The following LRG1 variants were observed in gnomAD, a reference collection of about 807,000 sequenced individuals.
The protein encoded by LRG1 is leucine rich alpha-2-glycoprotein 1.
LRG1 carries 1 observed loss-of-function variant against 2.4 expected under a neutral mutation model. The ratio of observed to expected loss-of-function variants is 0.41; its 90% CI spans 0.15 to 1.95. The LOEUF is 1.95. Among genes scored for constraint, LRG1 ranks in the 30% most tolerant of loss-of-function variants. The pLI is 0.30. For missense variants in LRG1, 425 were observed against 436.9 expected, an observed-to-expected ratio of 0.97 and a Z score of 0.24; for synonymous variants, 226 against 210.6, an observed-to-expected ratio of 1.07 and a Z score of -0.63.
chr19:4,538,161 C>T lies in LRG1; in HGVS notation c.823G>A (p.Val275Met), dbSNP rs373305310. 9.7e-5 allele frequency: 157 copies of T among 1,613,888 alleles called. No homozygotes were observed. Among genetic ancestry groups the T allele is most frequent in the Middle Eastern group, 1.6e-4 (1 of 6,078 alleles). The change falls in exon 2 of 2, where the codon GTG becomes ATG. Residue 275 changes from valine (V) to methionine (M), a missense_variant. By Grantham distance (21) the Val-to-Met change is conservative (BLOSUM62 1). Coordinates refer to ENST00000306390, the MANE Select transcript of LRG1 (RefSeq NM_052972.3). ...AGGGATGCCCAGAGCCCCTCGGGCA[C>T]GCTGGCCAGTGAGTTATTGGAGAGG... ...LDLSNNSLAS[V>M]PEGLWASLGQ...
rs67831446 is a variant in LRG1, at chr19:4,536,866, GC to G, written c.*1073del. On this transcript the variant is annotated 3_prime_UTR_variant, in exon 2 of 2. Transcript: ENST00000306390. Reference sequence around the variant, plus strand: ...AGCCCCATCCTGCCCCTGCAACCTTGCCCGGGGGCAGGTGCCCCCTTCGATG... The same window carrying G: ...AGCCCCATCCTGCCCCTGCAACCTTGCCGGGGGCAGGTGCCCCCTTCGATG... The G allele has an allele frequency of 0.093, 14,039 of 150,272 alleles. 907 individuals are homozygous for G. The highest frequency in any genetic ancestry group is 0.19 in the African/African-American group (7,327 of 39,526). The allele number at this position is 150,272 out of a possible 1,614,324, so 9.3% of individuals were successfully genotyped here.
Position 4,537,711 on chromosome 19 carries a change from G to A in LRG1, c.*229C>T, listed in dbSNP as rs577888618. ...GCCTCCCGAGTTGCTGGGACTACAG[G>A]TGCCCACCACCACGCCTGGCTAATT... On this transcript the variant is annotated 3_prime_UTR_variant, in exon 2 of 2. Transcript: ENST00000306390. The A allele has an allele frequency of 2.0e-6, 1 of 509,574 alleles. No homozygotes were observed. The highest frequency in any genetic ancestry group is 1.9e-5 in the African/African-American group (1 of 52,196). 31.6% of individuals were successfully genotyped at this position (509,574 alleles called of 1,614,324 possible).
intron 1 of LRG1, chr19:4,539,170 G>A: frequency 2.5e-6 from 1 of 395,624 alleles, no homozygotes. Context: ...CCCTGTTCCA[G>A]GGAGAATTAT....
In LRG1 at chr19:4,538,402, G is replaced by A; in HGVS notation, c.582C>T (p.Asp194=). ...LANFTLLRTL[D]LGENQLETLP... Reference sequence around the variant, plus strand: ...AGGTCTCCAACTGGTTCTCCCCAAGGTCAAGGGTGCGCAGGAGGGTGAAGT... The same window carrying A: ...AGGTCTCCAACTGGTTCTCCCCAAGATCAAGGGTGCGCAGGAGGGTGAAGT... The change falls in exon 2 of 2, where the codon GAC becomes GAT. Residue 194 remains aspartate (D), a synonymous_variant. Coordinates refer to ENST00000306390, the MANE Select transcript of LRG1 (RefSeq NM_052972.3). 1 of 1,614,164 alleles carries A rather than the reference G, an allele frequency of 6.2e-7. No individual in the cohort carries two copies. Among genetic ancestry groups the A allele is most frequent in the Non-Finnish European group, 8.5e-7 (1 of 1,180,048 alleles).
rs982655733 is a variant in LRG1 at position 4,537,896 on chromosome 19, C to A, written c.*44G>T. On this transcript the variant is annotated 3_prime_UTR_variant, in exon 2 of 2. Coordinates refer to ENST00000306390, the MANE Select transcript of LRG1 (RefSeq NM_052972.3). The stretch of plus-strand genomic sequence containing the variant: ...GCAGGATTATTTGTTAAGCGGGTTG[C>A]AGTGTTCTACCAGACCCCCCACCCT... 2 of 1,561,346 alleles carry A rather than the reference C, an allele frequency of 1.3e-6. No homozygotes were observed. The highest frequency in any genetic ancestry group is 2.7e-5 in the African/African-American group (2 of 73,294).
chr19:4,537,669 G>T lies in LRG1; in HGVS notation c.*271C>A. 1 of 421,026 alleles carries T rather than the reference G, an allele frequency of 2.4e-6. No individual in the cohort carries two copies. Among genetic ancestry groups the T allele is most frequent in the Non-Finnish European group, 4.3e-6 (1 of 232,324 alleles). The allele number at this position is 421,026 out of a possible 1,614,324, so 26.1% of individuals were successfully genotyped here. A position where few individuals can be genotyped will look rare whatever the true frequency, so the allele number is the denominator to read the frequency against. Reference sequence around the variant, plus strand: ...CGCAAGCTCCGCCTCCCAAGTTCACGCCATTCTCCTGCCTCAGCCTCCCGA... The same window carrying T: ...CGCAAGCTCCGCCTCCCAAGTTCACTCCATTCTCCTGCCTCAGCCTCCCGA... On this transcript the variant is annotated 3_prime_UTR_variant, in exon 2 of 2. Coordinates refer to ENST00000306390, the MANE Select transcript of LRG1 (RefSeq NM_052972.3).
chr19:4,538,508 C>G lies in LRG1; in HGVS notation c.476G>C (p.Trp159Ser). The G allele has an allele frequency of 6.2e-7, 1 of 1,613,962 alleles. No individual in the cohort carries two copies. The highest frequency in any genetic ancestry group is 1.3e-5 in the African/African-American group (1 of 75,032). Residue 159 changes from tryptophan to serine, a missense_variant, in exon 2 of 2, where the codon TGG becomes TCG. Coordinates refer to ENST00000306390, the MANE Select transcript of LRG1 (RefSeq NM_052972.3). ...CCCCAGAGCTTTCAGGCCGTGTAGCCACGAGACCTCCAGGACCTCCAGCTG... is the reference window on the plus strand; with the variant it reads ...CCCCAGAGCTTTCAGGCCGTGTAGCGACGAGACCTCCAGGACCTCCAGCTG... ...ENQLEVLEVSWLHGLKALGHL... is the reference protein window; with the variant it reads ...ENQLEVLEVSSLHGLKALGHL...
intron 1 of LRG1, 53 bp from the exon 2 acceptor site, chr19:4,539,004 C>G: frequency 6.8e-7 from 1 of 1,460,562 alleles, no homozygotes; most frequent in African/African-American, 1.4e-5. Context: ...ATACACTCAG[C>G]TAGGTGAAAA....
rs750893262 is a variant in LRG1, at chr19:4,538,207, C to T, written c.777G>A (p.Leu259=). 1 of 1,614,084 alleles carries T rather than the reference C, an allele frequency of 6.2e-7. No homozygotes were observed. The highest frequency in any genetic ancestry group is 8.5e-7 in the Non-Finnish European group (1 of 1,180,038). ...ARVAAGAFQG[L]RQLDMLDLSN... ...AGAGGTCCAGCATGTCCAGCTGCCG[C>T]AGGCCCTGGAAGGCACCGGCTGCCA... The change falls in exon 2 of 2, where the codon CTG becomes CTA. Residue 259 remains leucine (L), a synonymous_variant. Coordinates refer to ENST00000306390, the MANE Select transcript of LRG1 (RefSeq NM_052972.3).
chr19:4,539,065 G>T (rs1054001724), intron 1 of LRG1, 114 bp from the exon 2 acceptor site: 18 of 1,058,944 alleles, frequency 1.7e-5, no homozygotes, highest in Non-Finnish European at 2.3e-5. Context: ...TACCAGCCTG[G>T]ACTATGCTAC....
intron 1 of LRG1, 161 bp from the exon 2 acceptor site, chr19:4,539,112 C>CGAGA: frequency 1.8e-6 from 1 of 549,066 alleles, no homozygotes; most frequent in Admixed American, 3.9e-5. Flanking sequence ...TTGCTTCCTC[C>CGAGA]TCCTCTTCCA....
In LRG1 at chr19:4,538,689, G is replaced by A. The variant is rs1275436258; in HGVS notation, c.295C>T (p.Leu99Phe). The change falls in exon 2 of 2, where the codon CTC (leucine) becomes TTC (phenylalanine). Residue 99 changes from leucine to phenylalanine, a missense_variant. Transcript: ENST00000306390. ...AGGCTTTCCAGCCCATTGCTGGAGA[G>A]GTGCAATTCTTGGAGCTTAGAGGCG... is the stretch of plus-strand genomic sequence containing the variant. ...QGASKLQELH[L>F]SSNGLESLSP... The A allele has an allele frequency of 6.2e-7, 1 of 1,611,990 alleles. No homozygotes were observed. The highest frequency in any genetic ancestry group is 8.5e-7 in the Non-Finnish European group (1 of 1,178,204).
In LRG1 at chr19:4,537,722, C is replaced by T. The variant is rs543687621; in HGVS notation, c.*218G>A. 206 of 537,034 alleles carry T rather than the reference C, an allele frequency of 3.8e-4. No individual in the cohort carries two copies. In the South Asian group the frequency reaches 4.6e-3, roughly 12 times the overall value. The allele number at this position is 537,034 out of a possible 1,614,324, so 33.3% of individuals were successfully genotyped here. On this transcript the variant is annotated 3_prime_UTR_variant, in exon 2 of 2. Coordinates refer to ENST00000306390, the MANE Select transcript of LRG1 (RefSeq NM_052972.3). Reference sequence around the variant, plus strand: ...TGCTGGGACTACAGGTGCCCACCACCACGCCTGGCTAATTTTTTATATTTT... The same window carrying T: ...TGCTGGGACTACAGGTGCCCACCACTACGCCTGGCTAATTTTTTATATTTT...
chr19:4,536,652 G>C lies in LRG1; in HGVS notation c.*1288C>G, dbSNP rs1976949628. On this transcript the variant is annotated 3_prime_UTR_variant, in exon 2 of 2. Coordinates refer to ENST00000306390, the MANE Select transcript of LRG1 (RefSeq NM_052972.3). ...TCGAACTCCTGACCTCCGGTGATCTGCCTGCCTCAGCCTCCCAAAGTGTTT... is the reference window on the plus strand; with the variant it reads ...TCGAACTCCTGACCTCCGGTGATCTCCCTGCCTCAGCCTCCCAAAGTGTTT... The C allele has an allele frequency of 6.6e-6, 1 of 152,112 alleles. No homozygotes were observed. The highest frequency in any genetic ancestry group is 1.5e-5 in the Non-Finnish European group (1 of 68,052). The allele number at this position is 152,112 out of a possible 1,614,324, so 9.4% of individuals were successfully genotyped here.
At position 4,536,422 on chromosome 19, in the gene LRG1, T is replaced by C. The variant is rs1976947246; in HGVS notation, c.*1518A>G. On this transcript the variant is annotated 3_prime_UTR_variant, in exon 2 of 2. Coordinates refer to ENST00000306390, the MANE Select transcript of LRG1 (RefSeq NM_052972.3). Reference sequence around the variant, plus strand: ...CATGGTCTTTTTATTTTTATTTTTATTTTTGAGACACAGTTTCACTCTGTC... The same window carrying C: ...CATGGTCTTTTTATTTTTATTTTTACTTTTGAGACACAGTTTCACTCTGTC... 1 of 151,108 alleles carries C rather than the reference T, an allele frequency of 6.6e-6. No individual in the cohort carries two copies. The highest frequency in any genetic ancestry group is 2.1e-4 in the South Asian group (1 of 4,758). 9.4% of individuals were successfully genotyped at this position (151,108 alleles called of 1,614,324 possible).
rs200070280 is a variant in LRG1 at position 4,540,036 on chromosome 19, T to G, written c.-23A>C. On this transcript the variant is annotated 5_prime_UTR_variant, in exon 1 of 2. Transcript: ENST00000306390. ...CATGGTAGCTCTGCTCTTTTGCTTC[T>G]GGGTTGTCCTGGCCTGCGGAGGTGG... 3.0e-5 allele frequency: 49 copies of G among 1,614,042 alleles called. No homozygotes were observed. The African/African-American group carries it at 6.5e-4, about 22-fold the overall frequency.
rs779569923 is a variant in LRG1 at position 4,537,917 on chromosome 19, A to G, written c.*23T>C. On this transcript the variant is annotated 3_prime_UTR_variant, in exon 2 of 2. Coordinates refer to ENST00000306390, the MANE Select transcript of LRG1 (RefSeq NM_052972.3). ...GTTGCAGTGTTCTACCAGACCCCCC[A>G]CCCTCAACCCAAGCCCCTGGTCTCA... is the stretch of plus-strand genomic sequence containing the variant. 6.3e-7 allele frequency: 1 copy of G among 1,589,462 alleles called. No individual in the cohort carries two copies. The highest frequency in any genetic ancestry group is 1.1e-5 in the South Asian group (1 of 89,082).
rs763498051 is a variant in LRG1 at position 4,538,282 on chromosome 19, C to T, written c.702G>A (p.Pro234=). 14 of 1,614,074 alleles carry T rather than the reference C, an allele frequency of 8.7e-6. No individual in the cohort carries two copies. Among genetic ancestry groups the T allele is most frequent in the African/African-American group, 4.0e-5 (3 of 74,942 alleles). ...LQVLGKDLLL[P]QPDLRYLFLN... is the part of the protein sequence containing the mutation. ...GGAAGAGGTAGCGCAGGTCCGGCTG[C>T]GGCAAGAGGAGATCTTTTCCCAGTA... The change falls in exon 2 of 2, where the codon CCG becomes CCA. Residue 234 remains proline, a synonymous_variant. Transcript: ENST00000306390.
intron 1 of LRG1, 36 bp from the exon 2 acceptor site, chr19:4,538,987 A>G (rs1976983315): frequency 6.7e-7 from 1 of 1,481,928 alleles, no homozygotes; most frequent in Non-Finnish European, 9.0e-7. Context: ...ACTAAACCAC[A>G]GTGAAAATAC....
Sources: allele counts gnomAD v4.1 joint callset, GRCh38; gene constraint gnomAD v4.1.1; transcripts MANE v1.5; gene names NCBI Gene and HGNC (gene_info 2026-07-23, HGNC 2026-07-21).